Variants in FARP1 observed in about 807,000 individuals in gnomAD.
FARP1 encodes FERM, ARH/RhoGEF and pleckstrin domain protein 1.
A neutral mutation model predicts 128.8 loss-of-function variants in FARP1; 52 were observed. The observed-to-expected ratio is 0.40, with a 90% CI of 0.32 to 0.51. The LOEUF is 0.51. Ranked by LOEUF, FARP1 falls within the 20% of genes least tolerant of loss-of-function variation. The pLI, the probability that FARP1 is intolerant of heterozygous loss-of-function variation, is 0.45. For synonymous variants in FARP1, 580 were observed against 551.8 expected (o/e 1.05, Z -0.72); for missense variants, 1,333 against 1,367.9 (o/e 0.97, Z 0.40).
At chr13:98,288,914 G>A (rs1885320895) in intron 2 of FARP1, among the ~76,000 whole-genome samples, 1 of 149,130 alleles carries the variant, frequency 6.7e-6, no homozygotes, top group South Asian at 2.1e-4. Context: ...AATTGTGCCA[G>A]TCATATGTTA....
intron 1 of FARP1, chr13:98,177,078 G>A (rs1308416070): frequency 6.3e-7 from 1 of 1,597,452 alleles, no homozygotes; most frequent in Non-Finnish European, 8.5e-7. Context: ...CCACTGTGTC[G>A]CCCTCGTCCC....
intron 2 of FARP1, among the ~76,000 whole-genome samples, chr13:98,310,032 C>G (rs1049755041): frequency 6.6e-6 from 1 of 151,532 alleles, no homozygotes; most frequent in Non-Finnish European, 1.5e-5. Flanking sequence ...CATCCTCTCT[C>G]TCTCTATTCC....
chr13:98,156,978 C>A (rs890369874), intron 1 of FARP1, among the ~76,000 whole-genome samples: 3 of 152,228 alleles, frequency 2.0e-5, no homozygotes, highest in African/African-American at 7.2e-5. Flanking sequence ...ATAAGAAATA[C>A]CTAATCTGAG....
chr13:98,401,924 ATCT>A (rs1350561038), intron 13 of FARP1: 1 of 152,154 alleles, frequency 6.6e-6, no homozygotes, highest in Non-Finnish European at 1.5e-5. Context: ...AGCCTTCAGC[ATCT>A]TCTCGGCGCC....
chr13:98,318,811 C>T lies in FARP1; in HGVS notation c.172-24951C>T, dbSNP rs563562488. 3.0e-4 allele frequency among the ~76,000 whole-genome samples: 46 copies of T among 152,318 alleles called. No homozygotes were observed. The South Asian group carries it at 7.5e-3, about 25-fold the overall frequency. ...TTGTAGGCAGTAGGCAATGGGGCTG[C>T]CCTCACTTGTCTGTGTGCCTGGTGG... On this transcript the variant is annotated intron_variant, in intron 2 of 26. Transcript: ENST00000319562.
At chr13:98,258,228 A>G (rs1883708337) in intron 2 of FARP1, among the ~76,000 whole-genome samples, 1 of 152,052 alleles carries the variant, frequency 6.6e-6, no homozygotes, top group African/African-American at 2.4e-5. Context: ...CAGCCTCCCA[A>G]AGTGCTGGGA....
chr13:98,180,793 G>A (rs565604953), intron 1 of FARP1, among the ~76,000 whole-genome samples: 2 of 152,306 alleles, frequency 1.3e-5, no homozygotes, highest in African/African-American at 4.8e-5. Context: ...CCTGAGTGCA[G>A]TCTGCTGTGT....
intron 24 of FARP1, among the ~76,000 whole-genome samples, chr13:98,444,887 C>T (rs1049388467): frequency 7.9e-5 from 12 of 152,240 alleles, no homozygotes; most frequent in Admixed American, 7.2e-4. Flanking sequence ...ATCAGCCCAG[C>T]CCTGGCCACC....
At chr13:98,200,387 A>ACCCCCCCCC (rs34861204) in intron 1 of FARP1, among the ~76,000 whole-genome samples, 21 of 127,600 alleles carry the variant, frequency 1.6e-4, no homozygotes, top group Middle Eastern at 4.8e-3. Flanking sequence ...TGCAACCTTC[A>ACCCCCCCCC]CCCCCCCCCC....
intron 1 of FARP1, among the ~76,000 whole-genome samples, chr13:98,170,187 A>AT (rs550828983): frequency 7.3e-5 from 11 of 151,716 alleles, no homozygotes; most frequent in Non-Finnish European, 8.8e-5. Context: ...GAATGTCTGC[A>AT]TTTTTTTTGT....
At chr13:98,207,040 A>G (rs1442325581) in intron 1 of FARP1, among the ~76,000 whole-genome samples, 1 of 152,186 alleles carries the variant, frequency 6.6e-6, no homozygotes, top group Non-Finnish European at 1.5e-5. Context: ...CAGTTTTGCT[A>G]TCAAGCATCA....
Position 98,452,673 on chromosome 13 carries a change from G to T in FARP1, c.*4356G>T, listed in dbSNP as rs189895343. 83 of 153,108 alleles carry T rather than the reference G, an allele frequency of 5.4e-4. No homozygotes were observed. The highest frequency in any genetic ancestry group is 9.5e-4 in the Non-Finnish European group (65 of 68,356). The allele number at this position is 153,108 out of a possible 1,614,324, so 9.5% of individuals were successfully genotyped here. On this transcript the variant is annotated 3_prime_UTR_variant, in exon 27 of 27. Transcript: ENST00000319562. ...ACTGACGTTATCTACAGAAGCACTT[G>T]GCCAGTTTGTACACAGTGATTCCTT...
At chr13:98,285,841 A>G (rs747254034) in intron 2 of FARP1, among the ~76,000 whole-genome samples, 3 of 152,158 alleles carry the variant, frequency 2.0e-5, no homozygotes, top group Non-Finnish European at 4.4e-5. Flanking sequence ...ACTTGACAGG[A>G]GTCAGTATTT....
intron 2 of FARP1, among the ~76,000 whole-genome samples, chr13:98,285,924 C>T (rs886667414): frequency 2.0e-5 from 3 of 152,134 alleles, no homozygotes; most frequent in Admixed American, 2.0e-4. Flanking sequence ...CCCTTCCTGG[C>T]CCGTTTGGGG....
chr13:98,183,365 A>G (rs1330366226), intron 1 of FARP1, among the ~76,000 whole-genome samples: 1 of 152,090 alleles, frequency 6.6e-6, no homozygotes, highest in East Asian at 1.9e-4. Flanking sequence ...TTGGAACTTC[A>G]TATCTAGTCT....
chr13:98,275,974 A>T (rs1028645081), intron 2 of FARP1, among the ~76,000 whole-genome samples: 6 of 152,218 alleles, frequency 3.9e-5, no homozygotes, highest in African/African-American at 1.2e-4. Context: ...CGGGGGTATG[A>T]TGGATGTCAT....
chr13:98,150,004 T>C (rs941705225), intron 1 of FARP1, among the ~76,000 whole-genome samples: 6 of 152,014 alleles, frequency 3.9e-5, no homozygotes, highest in Non-Finnish European at 4.4e-5. Flanking sequence ...CCCAAAGTGC[T>C]GGGATTACAG....
Position 98,451,551 on chromosome 13 carries a change from C to T in FARP1, c.*3234C>T, listed in dbSNP as rs769786751. 6.6e-6 allele frequency: 1 copy of T among 152,120 alleles called. No homozygotes were observed. The highest frequency in any genetic ancestry group is 2.4e-5 in the African/African-American group (1 of 41,426). 9.4% of individuals were successfully genotyped at this position (152,120 alleles called of 1,614,324 possible). The stretch of plus-strand genomic sequence containing the variant: ...GCACTAGCAAACCGACACAATAACC[C>T]ACTCAAGCATCTGTAGCTCAGGGCT... On this transcript the variant is annotated 3_prime_UTR_variant, in exon 27 of 27. Coordinates refer to ENST00000319562, the MANE Select transcript of FARP1 (RefSeq NM_005766.4).
At chr13:98,440,091 G>A in intron 22 of FARP1, 32 bp from the exon 23 acceptor site, 1 of 1,610,282 alleles carries the variant, frequency 6.2e-7, no homozygotes, top group Non-Finnish European at 8.5e-7. Context: ...GATGTGCTGT[G>A]GCCTGAACAC....
Sources: allele counts gnomAD v4.1 joint callset (sites outside exome capture counted in the v4.1 genomes callset), GRCh38; gene constraint gnomAD v4.1.1; transcripts MANE v1.5; gene names NCBI Gene and HGNC (gene_info 2026-07-23, HGNC 2026-07-21).